The following PIK3CB variants were observed in gnomAD, a reference collection of about 807,000 sequenced individuals.
The protein encoded by PIK3CB is phosphatidylinositol-4,5-bisphosphate 3-kinase catalytic subunit beta, also known as phosphatidylinositol 4,5-bisphosphate 3-kinase catalytic subunit beta isoform.
A neutral mutation model predicts 136.8 loss-of-function variants in PIK3CB; 39 were observed. The observed-to-expected ratio is 0.29, with a 90% CI of 0.22 to 0.37. PIK3CB has a LOEUF of 0.37. Among genes scored for constraint, PIK3CB ranks in the 10% least tolerant of loss-of-function variants. PIK3CB has a pLI of 1.00. For missense variants in PIK3CB, 868 were observed against 1,275.4 expected (o/e 0.68, Z 4.87); for synonymous variants, 428 against 436.6 (o/e 0.98, Z 0.25).
intron 12 of PIK3CB, among the ~76,000 whole-genome samples, chr3:138,703,748 A>C (rs1489385189): frequency 6.6e-6 from 1 of 152,122 alleles, no homozygotes; most frequent in Non-Finnish European, 1.5e-5. Flanking sequence ...TTTGACCCTC[A>C]ATATCCATTC....
chr3:138,755,543 G>A (rs1160943114), intron 4 of PIK3CB, among the ~76,000 whole-genome samples: 1 of 151,946 alleles, frequency 6.6e-6, no homozygotes, highest in East Asian at 1.9e-4. Flanking sequence ...ATAAGCCCTT[G>A]GATGCTATGG....
chr3:138,659,949 T>C (rs2043263615), intron 21 of PIK3CB, among the ~76,000 whole-genome samples: 1 of 143,140 alleles, frequency 7.0e-6, no homozygotes, highest in Non-Finnish European at 1.5e-5. Context: ...GATTTCAGCT[T>C]ACTGCAAGCT....
chr3:138,656,195 A>C lies in PIK3CB; in HGVS notation c.3022T>G (p.Leu1008Val). The C allele has an allele frequency of 6.2e-7, 1 of 1,614,128 alleles. No homozygotes were observed. The highest frequency in any genetic ancestry group is 8.5e-7 in the Non-Finnish European group (1 of 1,179,986). ...NLFITLFALM[L>V]TAGLPELTSV... ...GTGAGTTCAGGAAGCCCTGCAGTCA[A>C]CATCAGCGCAAAGAGAGTGATGAAG... Residue 1008 changes from leucine (L) to valine (V), a missense_variant, in exon 23 of 24, where the codon TTG becomes GTG. By Grantham distance (32) the Leu-to-Val change is conservative. Coordinates refer to ENST00000674063, the MANE Select transcript of PIK3CB (RefSeq NM_006219.3).
intron 1 of PIK3CB, among the ~76,000 whole-genome samples, chr3:138,832,830 CAA>C (rs1219182171): frequency 7.6e-5 from 4 of 52,726 alleles, no homozygotes; most frequent in Admixed American, 2.6e-4. Flanking sequence ...AACTCCGTCT[CAA>C]AAAAAAAAAA....
At chr3:138,833,793 C>T (rs770657142) in intron 1 of PIK3CB, among the ~76,000 whole-genome samples, 2 of 152,182 alleles carry the variant, frequency 1.3e-5, no homozygotes, top group Non-Finnish European at 2.9e-5. Flanking sequence ...AACAGCAAAG[C>T]ACTTCAAGTT....
At chr3:138,815,153 AAAAAAAAAAAT>A (rs1320152014) in intron 1 of PIK3CB, among the ~76,000 whole-genome samples, 2 of 120,446 alleles carry the variant, frequency 1.7e-5, no homozygotes, top group Admixed American at 1.7e-4. Context: ...AAAAAAAAAA[AAAAAAAAAAAT>A]ATATATATAT....
At position 138,732,720 on chromosome 3, in the gene PIK3CB, G is replaced by GAA. The variant is rs68137286; in HGVS notation, c.1050+639_1050+640dup. ...GTGCTCAGTTTAAAAGGAAAGAAAA[G>GAA]AAAAAAAAAAAAAAAAAAGACTGAA... On this transcript the variant is annotated intron_variant, in intron 8 of 23. Coordinates refer to ENST00000674063, the MANE Select transcript of PIK3CB (RefSeq NM_006219.3). Among the ~76,000 whole-genome samples, 609 of 109,274 alleles carry GAA rather than the reference G, an allele frequency of 5.6e-3. 7 individuals carry two copies. Among genetic ancestry groups the GAA allele is most frequent in the African/African-American group, 0.016 (448 of 28,886 alleles). 71.7% of individuals were successfully genotyped at this position (109,274 alleles called of 152,430 possible).
chr3:138,707,656 T>A, intron 10 of PIK3CB: 1 of 590,620 alleles, frequency 1.7e-6, no homozygotes, highest in Non-Finnish European at 2.1e-6. Flanking sequence ...TAATCACATG[T>A]AATCTGGTTT....
chr3:138,810,432 C>T (rs775968425), intron 1 of PIK3CB, among the ~76,000 whole-genome samples: 5 of 151,872 alleles, frequency 3.3e-5, no homozygotes, highest in Admixed American at 6.6e-5. Context: ...ACATCAACAA[C>T]GATAATTCAT....
In PIK3CB at chr3:138,704,409, T is replaced by A. The variant is rs746982729; in HGVS notation, c.1581+34A>T. 7 of 1,445,798 alleles carry A rather than the reference T, an allele frequency of 4.8e-6. No individual in the cohort carries two copies. The Admixed American group carries it at 6.7e-5, about 14-fold the overall frequency. 89.6% of individuals were successfully genotyped at this position (1,445,798 alleles called of 1,614,324 possible). A position where few individuals can be genotyped will look rare whatever the true frequency, so the allele number is the denominator to read the frequency against. On this transcript the variant is annotated intron_variant, in intron 12 of 23. Transcript: ENST00000674063. ...ATACCTAATAATGTGCACAACTCCA[T>A]AAGAAAGGGCCATTTAAAACTCTTG...
At chr3:138,658,306 C>T (rs2043226181) in intron 21 of PIK3CB, among the ~76,000 whole-genome samples, 2 of 152,106 alleles carry the variant, frequency 1.3e-5, no homozygotes, top group East Asian at 1.9e-4. Context: ...AAAAATTAGT[C>T]AGGCATAGTG....
At chr3:138,777,943 C>T in intron 2 of PIK3CB, 1 of 309,260 alleles carries the variant, frequency 3.2e-6, no homozygotes, top group South Asian at 3.2e-5. Flanking sequence ...TCATTGCCCT[C>T]AACTACACGG....
At chr3:138,790,158 G>A (rs1288643479) in intron 2 of PIK3CB, among the ~76,000 whole-genome samples, 1 of 152,114 alleles carries the variant, frequency 6.6e-6, no homozygotes, top group Non-Finnish European at 1.5e-5. Flanking sequence ...ACAGAAAATA[G>A]AACAGTGGTT....
chr3:138,664,166 T>A, intron 20 of PIK3CB, 137 bp from the exon 21 acceptor site: 2 of 978,118 alleles, frequency 2.0e-6, no homozygotes, highest in Non-Finnish European at 3.0e-6. Context: ...AGAGAACATG[T>A]GGATCAGCCA....
chr3:138,716,893 C>CAAAAAAAA lies in PIK3CB; in HGVS notation c.1051-2182_1051-2175dup, dbSNP rs376627250. On this transcript the variant is annotated intron_variant, in intron 8 of 23. Coordinates refer to ENST00000674063, the MANE Select transcript of PIK3CB (RefSeq NM_006219.3). ...TGGGTGACAGAGAAAGATTGTGTCT[C>CAAAAAAAA]AAAAAAAAAAAAAAAAAAAAAAAAA... 2.7e-4 allele frequency among the ~76,000 whole-genome samples: 3 copies of CAAAAAAAA among 11,090 alleles called. 1 individual carries two copies. The highest frequency in any genetic ancestry group is 7.2e-4 in the African/African-American group (3 of 4,188). 7.3% of individuals were successfully genotyped at this position (11,090 alleles called of 152,430 possible).
chr3:138,759,486 C>T (rs2045631635), intron 2 of PIK3CB, 127 bp from the exon 3 acceptor site: 1 of 543,310 alleles, frequency 1.8e-6, no homozygotes, highest in Non-Finnish European at 3.2e-6. Flanking sequence ...AACAGGAGGC[C>T]AATTAAATAA....
At chr3:138,720,862 T>C (rs2044710954) in intron 8 of PIK3CB, among the ~76,000 whole-genome samples, 1 of 151,892 alleles carries the variant, frequency 6.6e-6, no homozygotes, top group Non-Finnish European at 1.5e-5. Flanking sequence ...AGCAAGACCC[T>C]GCCTCATTCA....
At chr3:138,699,706 T>C (rs778957948) in intron 12 of PIK3CB, among the ~76,000 whole-genome samples, 1 of 152,148 alleles carries the variant, frequency 6.6e-6, no homozygotes, top group African/African-American at 2.4e-5. Flanking sequence ...ATTAGAGGTA[T>C]TGATGAGAAC....
chr3:138,661,205 A>G (rs184326229), intron 21 of PIK3CB, among the ~76,000 whole-genome samples: 41 of 152,318 alleles, frequency 2.7e-4, no homozygotes, highest in African/African-American at 9.4e-4. Flanking sequence ...AGTCAGAACC[A>G]GTTTCTTCAG....
Sources: gnomAD v4.1 joint callset for allele counts (sites outside exome capture counted in the v4.1 genomes callset) on GRCh38, gnomAD v4.1.1 for gene constraint, MANE v1.5 for transcripts, NCBI Gene and HGNC (gene_info 2026-07-23, HGNC 2026-07-21) for gene names.